The following MCTP1 variants were observed in gnomAD, a reference collection of about 807,000 sequenced individuals.
The protein encoded by MCTP1 is multiple C2 and transmembrane domain containing 1.
MCTP1 carries 69 observed loss-of-function variants against 120.6 expected under a neutral mutation model. The observed-to-expected ratio is 0.57, with a 90% confidence interval of 0.47 to 0.70. The LOEUF is 0.70. Among genes scored for constraint, MCTP1 ranks in the 30% least tolerant of loss-of-function variants. The pLI is 0.00. For synonymous variants in MCTP1, 529 were observed against 493.1 expected (o/e 1.07, Z -0.96); for missense variants, 1,203 against 1,248.8 (o/e 0.96, Z 0.55).
At chr5:94,804,620 A>G (rs565511279) in intron 17 of MCTP1, among the ~76,000 whole-genome samples, 1 of 151,988 alleles carries the variant, frequency 6.6e-6, no homozygotes. Flanking sequence ...TTGTATTTTT[A>G]GTAGAGATGG....
At chr5:95,000,764 A>C (rs1048937191) in intron 2 of MCTP1, among the ~76,000 whole-genome samples, 2 of 152,236 alleles carry the variant, frequency 1.3e-5, no homozygotes, top group African/African-American at 4.8e-5. Context: ...AAGACAGAAA[A>C]AAATGTTTAA....
In MCTP1 at chr5:94,714,872, C is replaced by T; in HGVS notation, c.2625G>A (p.Lys875=). The T allele has an allele frequency of 6.2e-7, 1 of 1,601,318 alleles. No individual in the cohort carries two copies. The change falls in exon 20 of 23, where the codon AAG becomes AAA. Residue 875 remains lysine (K), a synonymous_variant. Coordinates refer to ENST00000515393, the MANE Select transcript of MCTP1 (RefSeq NM_024717.7). The part of the protein sequence containing the change: ...DDKDDKDSEK[K]GFINKIYAIQ... The stretch of plus-strand genomic sequence containing the variant: ...TGGCATAGATTTTATTTATAAATCC[C>T]TTTTTTTCACTGTCCTAAAATGCAA...
At chr5:94,955,410 A>G (rs896688553) in intron 2 of MCTP1, among the ~76,000 whole-genome samples, 1 of 152,160 alleles carries the variant, frequency 6.6e-6, no homozygotes, top group Admixed American at 6.5e-5. Flanking sequence ...AATGCCAGTG[A>G]AACAGAACTG....
At chr5:95,076,449 A>G (rs1753587855) in intron 1 of MCTP1, among the ~76,000 whole-genome samples, 1 of 75,402 alleles carries the variant, frequency 1.3e-5, no homozygotes, top group Non-Finnish European at 3.7e-5. Context: ...TAAGCTGAAA[A>G]AGGAAAAAAA....
chr5:95,073,520 T>A (rs1022459389), intron 1 of MCTP1, among the ~76,000 whole-genome samples: 2 of 152,156 alleles, frequency 1.3e-5, no homozygotes, highest in Non-Finnish European at 2.9e-5. Flanking sequence ...GTTCTGTGAG[T>A]TCACCTACAA....
At position 95,089,660 on chromosome 5, in the gene MCTP1, T is replaced by C. The variant is rs1185603472; in HGVS notation, c.721-72176A>G. 2.6e-5 allele frequency among the ~76,000 whole-genome samples: 4 copies of C among 152,162 alleles called. No individual in the cohort carries two copies. In the East Asian group the frequency reaches 5.8e-4, roughly 22 times the overall value. ...CCAGCCAGGGTCTAAAAAGTTAACTTAAACCTGAATCCAGAGGGTCTCTCT... is the reference window on the plus strand; with the variant it reads ...CCAGCCAGGGTCTAAAAAGTTAACTCAAACCTGAATCCAGAGGGTCTCTCT... On this transcript the variant is annotated intron_variant, in intron 1 of 22. Coordinates refer to ENST00000515393, the MANE Select transcript of MCTP1 (RefSeq NM_024717.7).
chr5:94,978,777 T>A (rs1312612605), intron 2 of MCTP1, among the ~76,000 whole-genome samples: 1 of 152,150 alleles, frequency 6.6e-6, no homozygotes. Flanking sequence ...TGAGATCTGC[T>A]GTACAACATT....
Position 94,896,242 on chromosome 5 carries a change from C to G in MCTP1, c.1653-1407G>C, listed in dbSNP as rs149653714. Among the ~76,000 whole-genome samples, 791 of 152,214 alleles carry G rather than the reference C, an allele frequency of 5.2e-3. 6 individuals carry two copies. Among genetic ancestry groups the G allele is most frequent in the Middle Eastern group, 0.037 (11 of 294 alleles). The stretch of plus-strand genomic sequence containing the variant: ...TCTCTAATGAAAAAAAAGGTATTAT[C>G]TTTAGAGATCTTTCCAGCACCTGAC... On this transcript the variant is annotated intron_variant, in intron 10 of 22. Transcript: ENST00000515393.
intron 1 of MCTP1, among the ~76,000 whole-genome samples, chr5:95,156,227 G>A (rs941420071): frequency 6.6e-6 from 1 of 152,136 alleles, no homozygotes; most frequent in African/African-American, 2.4e-5. Flanking sequence ...CCAGACCCAC[G>A]GAGACTGAGA....
intron 8 of MCTP1, among the ~76,000 whole-genome samples, chr5:94,916,098 G>A (rs921375441): frequency 3.3e-5 from 5 of 151,992 alleles, no homozygotes; most frequent in African/African-American, 1.2e-4. Flanking sequence ...GTTCAAAATG[G>A]TACTTCTCTA....
intron 7 of MCTP1, among the ~76,000 whole-genome samples, chr5:94,923,353 T>C (rs1352574781): frequency 2.0e-5 from 3 of 152,136 alleles, no homozygotes; most frequent in Non-Finnish European, 4.4e-5. Flanking sequence ...TAATGCAGAA[T>C]TAGAGCAGAG....
At position 95,284,798 on chromosome 5, in the gene MCTP1, C is replaced by G. The variant is rs1760623183; in HGVS notation, c.-223G>C. Among the ~76,000 whole-genome samples the G allele has an allele frequency of 6.6e-6, 1 of 152,072 alleles. No homozygotes were observed. The highest frequency in any genetic ancestry group is 1.5e-5 in the Non-Finnish European group (1 of 67,982). On this transcript the variant is annotated 5_prime_UTR_variant, in exon 1 of 23. Coordinates refer to ENST00000515393, the MANE Select transcript of MCTP1 (RefSeq NM_024717.7). This position sits in a 1 kb window ranked among gnomAD's most constrained non-coding sequence, Gnocchi z 5.2. ...AGGCTCTCTGGCCTCGGGACTCCGG[C>G]GCTGCCTCTTCCTCCCGCACCTGCT... is the stretch of plus-strand genomic sequence containing the variant.
intron 19 of MCTP1, among the ~76,000 whole-genome samples, chr5:94,762,028 T>C (rs957718152): frequency 6.6e-6 from 1 of 152,210 alleles, no homozygotes; most frequent in Non-Finnish European, 1.5e-5. Context: ...GTCCCAGGCA[T>C]CTGACTAGAA....
chr5:95,060,574 C>A (rs1748695080), intron 1 of MCTP1, among the ~76,000 whole-genome samples: 1 of 152,122 alleles, frequency 6.6e-6, no homozygotes, highest in Admixed American at 6.5e-5. Flanking sequence ...TTTTTCCTTT[C>A]TGTAATAACT....
intron 1 of MCTP1, among the ~76,000 whole-genome samples, chr5:95,084,263 T>C (rs1447114021): frequency 2.0e-5 from 3 of 152,198 alleles, no homozygotes; most frequent in Non-Finnish European, 4.4e-5. Flanking sequence ...ATATTTTTTA[T>C]TTCCATATTT....
At chr5:95,130,087 T>TCC (rs1758932521) in intron 1 of MCTP1, among the ~76,000 whole-genome samples, 2 of 152,266 alleles carry the variant, frequency 1.3e-5, no homozygotes, top group Non-Finnish European at 2.9e-5. Context: ...TCACCCCCTG[T>TCC]CCCCCAGCTT....
At chr5:94,841,190 A>G (rs1018343041) in intron 17 of MCTP1, among the ~76,000 whole-genome samples, 1 of 152,192 alleles carries the variant, frequency 6.6e-6, no homozygotes, top group African/African-American at 2.4e-5. Flanking sequence ...GGAAACAGGA[A>G]TAGAAAGGCA....
chr5:94,972,842 TG>T (rs1443000150), intron 2 of MCTP1, among the ~76,000 whole-genome samples: 1 of 151,738 alleles, frequency 6.6e-6, no homozygotes. Context: ...AATAAGACTA[TG>T]GGGGATGAAC....
At chr5:95,171,447 A>G (rs2152497267) in intron 1 of MCTP1, among the ~76,000 whole-genome samples, 1 of 152,148 alleles carries the variant, frequency 6.6e-6, no homozygotes, top group South Asian at 2.1e-4. Flanking sequence ...CCTGAATTTG[A>G]ATGTTGGCCT....
Sources: gnomAD v4.1 joint callset for allele counts (sites outside exome capture counted in the v4.1 genomes callset) on GRCh38, gnomAD v4.1.1 for gene constraint, Gnocchi (gnomAD v3.1) non-coding constraint, MANE v1.5 for transcripts, NCBI Gene and HGNC (gene_info 2026-07-23, HGNC 2026-07-21) for gene names.